The following DMD variants were observed in gnomAD, a reference collection of about 807,000 sequenced individuals.
The protein encoded by DMD is mutant dystrophin.
DMD carries 63 observed loss-of-function variants against 330.1 expected under a neutral mutation model. That is an observed-to-expected ratio of 0.19 (90% CI 0.16 to 0.24). DMD has a LOEUF of 0.24. Ranked by LOEUF, DMD falls within the 10% of genes least tolerant of loss-of-function variation. DMD has a pLI of 1.00. For synonymous variants in DMD, 1,223 were observed against 959.8 expected, an observed-to-expected ratio of 1.27 and a Z score of -5.07; for missense variants, 3,344 against 2,684.1, an observed-to-expected ratio of 1.25 and a Z score of -5.43.
At chrX:32,988,908 A>G (rs1341852863) in intron 2 of DMD, among the ~76,000 whole-genome samples, 2 of 111,683 alleles carry the variant, frequency 1.8e-5, no homozygotes, top group Non-Finnish European at 3.8e-5. Context: ...TGGGCATTAC[A>G]GGTCAAAGAT....
chrX:31,557,756 A>G (rs1265054000), intron 55 of DMD, among the ~76,000 whole-genome samples: 2 of 111,621 alleles, frequency 1.8e-5, no homozygotes, highest in Non-Finnish European at 3.8e-5. Context: ...AGTGTAGTAG[A>G]AGAGGGGGAA....
chrX:33,307,020 T>A (rs2053773329), intron 1 of DMD, among the ~76,000 whole-genome samples: 1 of 111,616 alleles, frequency 9.0e-6, no homozygotes, highest in Admixed American at 9.6e-5. Context: ...GTATGTAAAA[T>A]TATATCCTTT....
At chrX:33,271,106 T>C (rs1036726308) in intron 1 of DMD, among the ~76,000 whole-genome samples, 7 of 111,721 alleles carry the variant, frequency 6.3e-5, no homozygotes, top group Non-Finnish European at 1.3e-4. Flanking sequence ...TTATTGAATA[T>C]AAAGTAACTG....
chrX:31,924,686 A>G (rs949637117), intron 47 of DMD, among the ~76,000 whole-genome samples: 1 of 112,029 alleles, frequency 8.9e-6, no homozygotes, highest in Non-Finnish European at 1.9e-5. Flanking sequence ...TTGTAAACCT[A>G]CCTTTTTCCT....
chrX:31,802,961 T>A (rs1033501116), intron 50 of DMD, among the ~76,000 whole-genome samples: 1 of 111,368 alleles, frequency 9.0e-6, no homozygotes, highest in Non-Finnish European at 1.9e-5. Flanking sequence ...GGGGAGGAAA[T>A]GCCAATCAAA....
intron 52 of DMD, among the ~76,000 whole-genome samples, chrX:31,693,649 T>C (rs762914179): frequency 3.6e-5 from 4 of 111,205 alleles, no homozygotes; most frequent in African/African-American, 1.3e-4. Flanking sequence ...CAACAAACTG[T>C]CTAAAATAGA....
chrX:31,698,432 T>C (rs190310364), intron 52 of DMD, among the ~76,000 whole-genome samples: 213 of 112,210 alleles, frequency 1.9e-3, no homozygotes, highest in Non-Finnish European at 2.5e-3. Context: ...TATTGTAACC[T>C]TGTACAAAGC....
rs1311754259 is a variant in DMD at position 32,390,257 on chromosome X, A to C, written c.4234-76T>G. On this transcript the variant is annotated intron_variant, in intron 30 of 78. Transcript: ENST00000357033. ...ACTTTCCAAGAAGACGAAATTCAGAAACTCTCCTCAACCACCTCTACCATG... is the reference window on the plus strand; with the variant it reads ...ACTTTCCAAGAAGACGAAATTCAGACACTCTCCTCAACCACCTCTACCATG... 4.1e-6 allele frequency: 3 copies of C among 739,589 alleles called. No individual in the cohort carries two copies. The African/African-American group carries it at 6.3e-5, about 15-fold the overall frequency. The allele number at this position is 739,589 out of a possible 1,213,427, so 61.0% of individuals were successfully genotyped here.
chrX:33,220,918 T>C (rs2052161977), intron 1 of DMD, among the ~76,000 whole-genome samples: 1 of 111,646 alleles, frequency 9.0e-6, no homozygotes, highest in Non-Finnish European at 1.9e-5. Context: ...CAAAAGCACA[T>C]TGGGTGTAAT....
chrX:31,887,136 C>T (rs963216793), intron 47 of DMD, among the ~76,000 whole-genome samples: 1 of 111,998 alleles, frequency 8.9e-6, no homozygotes, highest in African/African-American at 3.2e-5. Flanking sequence ...CTCTCATTCC[C>T]TTTAGCTATA....
chrX:31,673,004 G>C (rs1206151191), intron 53 of DMD, among the ~76,000 whole-genome samples: 2 of 112,397 alleles, frequency 1.8e-5, no homozygotes, highest in Non-Finnish European at 3.7e-5. Flanking sequence ...TCTAAGTCGG[G>C]CCAAATAAAG....
chrX:33,188,514 T>C (rs900053522), intron 1 of DMD, among the ~76,000 whole-genome samples: 3 of 109,883 alleles, frequency 2.7e-5, no homozygotes, highest in African/African-American at 9.9e-5. Flanking sequence ...AAAAACAGAC[T>C]CTTAAGCAGC....
intron 59 of DMD, among the ~76,000 whole-genome samples, chrX:31,466,524 T>A (rs1207404094): frequency 9.0e-6 from 1 of 111,573 alleles, no homozygotes; most frequent in African/African-American, 3.3e-5. Context: ...GGTCTATATA[T>A]CTGTTTTGGT....
intron 61 of DMD, among the ~76,000 whole-genome samples, chrX:31,335,743 T>C (rs2057375798): frequency 8.9e-6 from 1 of 112,478 alleles, no homozygotes; most frequent in African/African-American, 3.2e-5. Context: ...CCTATTATAA[T>C]ACCTTTTTCT....
At chrX:32,118,335 G>A (rs931636916) in intron 44 of DMD, among the ~76,000 whole-genome samples, 2 of 111,460 alleles carry the variant, frequency 1.8e-5, no homozygotes, top group Non-Finnish European at 3.8e-5. Context: ...TGAGCTGGCA[G>A]CTCTTCCCCT....
intron 17 of DMD, among the ~76,000 whole-genome samples, chrX:32,537,445 A>G (rs2048093864): frequency 9.0e-6 from 1 of 111,716 alleles, no homozygotes; most frequent in South Asian, 3.8e-4. Context: ...GACAGGGAAG[A>G]TATACTCTGA....
At chrX:31,775,038 T>C (rs1308418970) in intron 50 of DMD, among the ~76,000 whole-genome samples, 1 of 111,369 alleles carries the variant, frequency 9.0e-6, no homozygotes, top group East Asian at 2.8e-4. Context: ...ATAACCTCTC[T>C]AAGTTTCAGT....
At chrX:32,393,591 G>T (rs2098019404) in intron 30 of DMD, among the ~76,000 whole-genome samples, 1 of 111,441 alleles carries the variant, frequency 9.0e-6, no homozygotes, top group Admixed American at 9.6e-5. Flanking sequence ...ATCACTATGT[G>T]TGTCTGTACA....
chrX:31,296,243 T>A (rs1172067024), intron 62 of DMD, among the ~76,000 whole-genome samples: 4 of 111,722 alleles, frequency 3.6e-5, no homozygotes, highest in Non-Finnish European at 7.5e-5. Context: ...ATGATTGCTC[T>A]ATAATTGAAT....
Sources: allele counts gnomAD v4.1 joint callset (sites outside exome capture counted in the v4.1 genomes callset), GRCh38; gene constraint gnomAD v4.1.1; transcripts MANE v1.5; gene names NCBI Gene and HGNC (gene_info 2026-07-23, HGNC 2026-07-21).